PAK5: variants seen among roughly 807,000 people sequenced by gnomAD.
PAK5 encodes p21 (RAC1) activated kinase 5, also known as serine/threonine-protein kinase PAK 5.
In PAK5, 16 loss-of-function variants were observed where a neutral mutation model predicts 65.9. The ratio of observed to expected loss-of-function variants is 0.24; its 90% confidence interval spans 0.16 to 0.37. The LOEUF (loss-of-function observed/expected upper bound fraction) is 0.37, where lower values mean the gene tolerates loss of function less well. PAK5 is among the 10% of genes least tolerant of loss of function. The probability of loss-of-function intolerance (pLI) is 1.00; values close to 1 mark genes in which losing one functional copy is unlikely to be tolerated. For missense variants in PAK5, 785 were observed against 903.9 expected, an observed-to-expected ratio of 0.87 and a Z score of 1.69; for synonymous variants, 371 against 354.9, an observed-to-expected ratio of 1.05 and a Z score of -0.51.
At chr20:9,804,832 T>C (rs1424823358) in intron 1 of PAK5, among the ~76,000 whole-genome samples, 1 of 152,154 alleles carries the variant, frequency 6.6e-6, no homozygotes, top group Non-Finnish European at 1.5e-5. Flanking sequence ...AAGGATTGCT[T>C]GAGGCCAGGA....
chr20:9,764,275 T>C (rs2048731960), intron 1 of PAK5, among the ~76,000 whole-genome samples: 1 of 152,166 alleles, frequency 6.6e-6, no homozygotes, highest in Admixed American at 6.5e-5. Context: ...GAGTTTTTTC[T>C]TAAGATTATG....
At chr20:9,751,181 T>C (rs1381631183) in intron 1 of PAK5, among the ~76,000 whole-genome samples, 1 of 152,162 alleles carries the variant, frequency 6.6e-6, no homozygotes, top group Non-Finnish European at 1.5e-5. Context: ...GGTCCTCTAG[T>C]GTCTTTGAAA....
intron 3 of PAK5, among the ~76,000 whole-genome samples, chr20:9,604,915 C>A (rs2046424740): frequency 6.6e-6 from 1 of 152,096 alleles, no homozygotes; most frequent in Non-Finnish European, 1.5e-5. Context: ...GCACTAGGTA[C>A]CCCAGTACAA....
chr20:9,750,417 T>G (rs2048562291), intron 1 of PAK5, among the ~76,000 whole-genome samples: 1 of 152,174 alleles, frequency 6.6e-6, no homozygotes, highest in Non-Finnish European at 1.5e-5. Context: ...GCAACAAAAC[T>G]TTTAAATCCT....
intron 2 of PAK5, among the ~76,000 whole-genome samples, chr20:9,646,203 C>T (rs1569018551): frequency 6.6e-6 from 1 of 152,210 alleles, no homozygotes; most frequent in Non-Finnish European, 1.5e-5. Flanking sequence ...TTCTTTTAAA[C>T]ACTTGTCCCT....
chr20:9,599,771 T>C (rs1164349822), intron 3 of PAK5, among the ~76,000 whole-genome samples: 1 of 152,204 alleles, frequency 6.6e-6, no homozygotes, highest in African/African-American at 2.4e-5. Context: ...TTATCAGATA[T>C]ATTATTTGCA....
At chr20:9,640,157 T>G (rs937898473) in intron 3 of PAK5, among the ~76,000 whole-genome samples, 31 of 151,354 alleles carry the variant, frequency 2.0e-4, no homozygotes, top group Non-Finnish European at 4.1e-4. Flanking sequence ...CTGCACCCAT[T>G]AACTCATCAT....
At chr20:9,833,803 C>A (rs1167214220) in intron 1 of PAK5, among the ~76,000 whole-genome samples, 1 of 152,038 alleles carries the variant, frequency 6.6e-6, no homozygotes, top group Non-Finnish European at 1.5e-5. Context: ...TTTGTTTGCT[C>A]CTCAGTTTAT....
intron 1 of PAK5, among the ~76,000 whole-genome samples, chr20:9,720,702 C>T (rs1157766374): frequency 1.3e-5 from 2 of 151,990 alleles, no homozygotes; most frequent in Non-Finnish European, 1.5e-5. Flanking sequence ...GTTGTAACAG[C>T]CAAATGACCA....
chr20:9,571,761 T>C (rs529335568), intron 4 of PAK5, among the ~76,000 whole-genome samples: 2 of 151,796 alleles, frequency 1.3e-5, no homozygotes, highest in East Asian at 3.9e-4. Context: ...TGGGTTTAAG[T>C]AGGTCATGCA....
At chr20:9,635,094 C>T (rs2046967752) in intron 3 of PAK5, among the ~76,000 whole-genome samples, 2 of 152,090 alleles carry the variant, frequency 1.3e-5, no homozygotes, top group South Asian at 4.1e-4. Flanking sequence ...ATTGCTTTTA[C>T]TTTGCAATGA....
intron 1 of PAK5, among the ~76,000 whole-genome samples, chr20:9,719,465 C>T (rs558941672): frequency 6.6e-6 from 1 of 152,048 alleles, no homozygotes; most frequent in Non-Finnish European, 1.5e-5. Context: ...GAGACATTTC[C>T]TTTGAGACAA....
chr20:9,802,465 G>C (rs77017366), intron 1 of PAK5, among the ~76,000 whole-genome samples: 1 of 152,080 alleles, frequency 6.6e-6, no homozygotes, highest in Non-Finnish European at 1.5e-5. Context: ...TGCATTGAAA[G>C]CATCTTAAAG....
intron 2 of PAK5, among the ~76,000 whole-genome samples, chr20:9,668,338 T>C (rs2047447883): frequency 1.3e-5 from 2 of 152,220 alleles, no homozygotes; most frequent in Non-Finnish European, 2.9e-5. Context: ...TTTTTTTCCT[T>C]TGTGATATGT....
intron 3 of PAK5, among the ~76,000 whole-genome samples, chr20:9,594,909 T>A (rs1233652957): frequency 6.6e-6 from 1 of 152,108 alleles, no homozygotes; most frequent in African/African-American, 2.4e-5. Context: ...TTCAACTCAA[T>A]AAGGATTTTA....
intron 3 of PAK5, among the ~76,000 whole-genome samples, chr20:9,631,836 T>C (rs1318422490): frequency 6.6e-6 from 1 of 152,186 alleles, no homozygotes; most frequent in Non-Finnish European, 1.5e-5. Context: ...TCCAATCAGA[T>C]AGTGATGTGC....
In PAK5 at chr20:9,563,012, G is replaced by T; in HGVS notation, c.1495C>A (p.Arg499=). ...ACCACATTGTCATGGTGGTAATCCC[G>T]CATGATCACGACCTGGGGAAACGGG... ...ELLFNEVVIM[R]DYHHDNVVDM... Residue 499 remains arginine, a synonymous_variant, in exon 6 of 10, where the codon CGG becomes AGG. Transcript: ENST00000353224. 1 of 1,612,630 alleles carries T rather than the reference G, an allele frequency of 6.2e-7. No individual in the cohort carries two copies. Among genetic ancestry groups the T allele is most frequent in the Non-Finnish European group, 8.5e-7 (1 of 1,179,172 alleles).
intron 3 of PAK5, among the ~76,000 whole-genome samples, chr20:9,594,472 T>A (rs1221581687): frequency 2.6e-5 from 4 of 152,242 alleles, no homozygotes; most frequent in African/African-American, 9.6e-5. Context: ...GACACACTGA[T>A]TAATGAGTAA....
rs1568967715 is a variant in PAK5 at position 9,566,319 on chromosome 20, C to CCTG, written c.1053_1055dup (p.Pro351_Arg352insSer). 1 of 1,613,694 alleles carries CCTG rather than the reference C, an allele frequency of 6.2e-7. No individual in the cohort carries two copies. The highest frequency in any genetic ancestry group is 1.3e-5 in the African/African-American group (1 of 74,990). On this transcript the variant is annotated inframe_insertion, in exon 5 of 10. Transcript: ENST00000353224. ...GACTTTGAGGTAGTTTGGCAGGGCC[C>CCTG]CTGGGGTAGGTGTCAGACCCTGACA...
Sources: gnomAD v4.1 joint callset for allele counts (sites outside exome capture counted in the v4.1 genomes callset) on GRCh38, gnomAD v4.1.1 for gene constraint, MANE v1.5 for transcripts, NCBI Gene and HGNC (gene_info 2026-07-23, HGNC 2026-07-21) for gene names.